RORA: variants seen among roughly 807,000 people sequenced by gnomAD.
RORA encodes nuclear receptor ROR-alpha.
Under a neutral mutation model 69.5 loss-of-function variants are expected in RORA, and 7 were observed. The ratio of observed to expected loss-of-function variants is 0.10; its 90% CI spans 0.06 to 0.19. The LOEUF is 0.19. RORA is among the 10% of genes least tolerant of loss of function. RORA has a pLI of 1.00. For synonymous variants in RORA, 261 were observed against 240.8 expected, an observed-to-expected ratio of 1.08 and a Z score of -0.78; for missense variants, 457 against 663.0, an observed-to-expected ratio of 0.69 and a Z score of 3.41.
intron 3 of RORA, among the ~76,000 whole-genome samples, chr15:60,525,621 T>C (rs1342326108): frequency 1.3e-5 from 2 of 152,244 alleles, no homozygotes; most frequent in Admixed American, 1.3e-4. Context: ...AACCAAGATT[T>C]ATTCATAACT....
At chr15:60,664,789 T>C (rs1285822414) in intron 2 of RORA, among the ~76,000 whole-genome samples, 2 of 152,228 alleles carry the variant, frequency 1.3e-5, no homozygotes, top group African/African-American at 2.4e-5. Flanking sequence ...TAGATTCTTT[T>C]ATTGGGTCAC....
intron 2 of RORA, among the ~76,000 whole-genome samples, chr15:60,549,057 G>A (rs1225897977): frequency 2.0e-5 from 3 of 152,154 alleles, no homozygotes; most frequent in Non-Finnish European, 2.9e-5. Flanking sequence ...TGGCATTCTC[G>A]ATATGTTCTA....
intron 1 of RORA, among the ~76,000 whole-genome samples, chr15:61,108,784 T>G (rs1254914587): frequency 6.6e-6 from 1 of 152,216 alleles, no homozygotes; most frequent in Non-Finnish European, 1.5e-5. Context: ...AATCACCTTT[T>G]ATGATCTAAT....
intron 3 of RORA, among the ~76,000 whole-genome samples, chr15:60,522,202 T>A (rs918537125): frequency 5.3e-5 from 8 of 152,220 alleles, no homozygotes; most frequent in Admixed American, 3.3e-4. Context: ...TATTTTACTG[T>A]TATCAATGTT....
At chr15:60,912,558 T>A (rs34065852) in intron 1 of RORA, among the ~76,000 whole-genome samples, 5,190 of 152,098 alleles carry the variant, frequency 0.034, 129 homozygotes, top group Middle Eastern at 0.054. Context: ...ATCGACACCA[T>A]CTTGGCTAAC....
At chr15:60,612,682 T>A in intron 2 of RORA, among the ~76,000 whole-genome samples, 1 of 121,018 alleles carries the variant, frequency 8.3e-6, no homozygotes, top group East Asian at 2.8e-4. Flanking sequence ...TTTTTTTTTT[T>A]TTTCTCTCTC....
At chr15:60,700,034 GAC>G (rs1205790214) in intron 1 of RORA, among the ~76,000 whole-genome samples, 1 of 152,164 alleles carries the variant, frequency 6.6e-6, no homozygotes, top group African/African-American at 2.4e-5. Flanking sequence ...AGGTCAGAGA[GAC>G]AGAAATTTCT....
intron 1 of RORA, among the ~76,000 whole-genome samples, chr15:61,001,170 C>T (rs1399665963): frequency 9.9e-5 from 15 of 152,218 alleles, no homozygotes; most frequent in Admixed American, 6.5e-5. Flanking sequence ...AGTCTCATCA[C>T]TCTGTCCCTC....
intron 1 of RORA, among the ~76,000 whole-genome samples, chr15:61,137,472 T>C (rs2079256728): frequency 1.3e-5 from 2 of 152,216 alleles, no homozygotes; most frequent in South Asian, 4.1e-4. Flanking sequence ...ATGCACACAC[T>C]TATCCCCATT....
intron 1 of RORA, among the ~76,000 whole-genome samples, chr15:60,829,641 A>G (rs1334322958): frequency 6.6e-6 from 1 of 152,192 alleles, no homozygotes; most frequent in African/African-American, 2.4e-5. Flanking sequence ...TCCATGAGCC[A>G]TTGTCATTTT....
rs149363623 is a variant in RORA at position 61,168,236 on chromosome 15, G to GTA, written c.166+60815_166+60816dup. 9.0e-3 allele frequency among the ~76,000 whole-genome samples: 1,351 copies of GTA among 150,714 alleles called. 10 individuals carry two copies. The highest frequency in any genetic ancestry group is 0.021 in the Middle Eastern group (6 of 286). On this transcript the variant is annotated intron_variant, in intron 1 of 10. Transcript: ENST00000335670. The stretch of plus-strand genomic sequence containing the variant: ...TGCGTGCGTGTGTGTGTGTGTGTGT[G>GTA]TATGTATTTTGAGACGGAGTCTTGC...
At chr15:61,098,128 C>T (rs536747016) in intron 1 of RORA, among the ~76,000 whole-genome samples, 3 of 130,720 alleles carry the variant, frequency 2.3e-5, no homozygotes, top group East Asian at 4.9e-4. Context: ...TCCTTCTCTC[C>T]CTCCCTCCCT....
chr15:60,870,770 A>G (rs902996464), intron 1 of RORA, among the ~76,000 whole-genome samples: 7 of 152,216 alleles, frequency 4.6e-5, no homozygotes, highest in African/African-American at 1.7e-4. Context: ...GCCAATCCTT[A>G]CACTCACTAG....
At chr15:60,618,635 T>C (rs1050565431) in intron 2 of RORA, among the ~76,000 whole-genome samples, 3 of 152,302 alleles carry the variant, frequency 2.0e-5, no homozygotes, top group East Asian at 1.9e-4. Context: ...ATAGGTAACA[T>C]GTTCTTTATA....
chr15:61,097,735 G>A (rs1416876318), intron 1 of RORA, among the ~76,000 whole-genome samples: 3 of 151,994 alleles, frequency 2.0e-5, no homozygotes, highest in Non-Finnish European at 2.9e-5. Context: ...GCTGTAAATC[G>A]TGACTTCACC....
intron 1 of RORA, among the ~76,000 whole-genome samples, chr15:60,994,873 C>T (rs909957477): frequency 1.3e-5 from 2 of 152,114 alleles, no homozygotes; most frequent in African/African-American, 2.4e-5. Flanking sequence ...GAAGACCCTT[C>T]GTTTTAACAA....
intron 1 of RORA, among the ~76,000 whole-genome samples, chr15:61,113,730 C>G (rs2079027297): frequency 6.6e-6 from 1 of 152,124 alleles, no homozygotes. Context: ...TACATCCTCA[C>G]CTTTTCTTGA....
At chr15:60,513,337 G>C (rs1184754875) in intron 4 of RORA, among the ~76,000 whole-genome samples, 1 of 152,136 alleles carries the variant, frequency 6.6e-6, no homozygotes, top group African/African-American at 2.4e-5. Flanking sequence ...TTTTCAGAAG[G>C]CATACTGAAG....
chr15:60,988,846 A>G (rs1894287384), intron 1 of RORA, among the ~76,000 whole-genome samples: 1 of 152,116 alleles, frequency 6.6e-6, no homozygotes, highest in Admixed American at 6.5e-5. Flanking sequence ...ATTTCCACTT[A>G]CTTTTCAGTT....
Sources: allele counts gnomAD v4.1 joint callset (sites outside exome capture counted in the v4.1 genomes callset), GRCh38; gene constraint gnomAD v4.1.1; transcripts MANE v1.5; gene names NCBI Gene and HGNC (gene_info 2026-07-23, HGNC 2026-07-21).